Variants in GPC5 observed in about 807,000 individuals in gnomAD.
The protein encoded by GPC5 is glypican 5, also known as glypican-5.
In GPC5, 47 loss-of-function variants were observed where a neutral mutation model predicts 53.9. The ratio of observed to expected loss-of-function variants is 0.87; its 90% CI spans 0.69 to 1.11. The LOEUF (loss-of-function observed/expected upper bound fraction) is 1.11. Among genes scored for constraint, GPC5 ranks in the 50% most tolerant of loss-of-function variants. The pLI is 0.00. For synonymous variants in GPC5, 286 were observed against 263.3 expected (o/e 1.09, Z -0.84); for missense variants, 748 against 713.1 (o/e 1.05, Z -0.56).
rs530347320 is a variant in GPC5, at chr13:92,641,987, C to A, written c.1562-224295C>A. 5.3e-5 allele frequency among the ~76,000 whole-genome samples: 8 copies of A among 152,000 alleles called. No homozygotes were observed. The East Asian group carries it at 1.2e-3, about 22-fold the overall frequency. ...CTGAAATTTTTTCTTATTCTGTTAC[C>A]AGATTTGTAGCTCTTCAAAGCATGT... On this transcript the variant is annotated intron_variant, in intron 7 of 7. Coordinates refer to ENST00000377067, the MANE Select transcript of GPC5 (RefSeq NM_004466.6).
intron 7 of GPC5, among the ~76,000 whole-genome samples, chr13:92,743,149 G>A (rs1269580778): frequency 6.6e-6 from 1 of 151,980 alleles, no homozygotes; most frequent in Admixed American, 6.6e-5. Context: ...GATAGGGATG[G>A]CATTGAATCT....
intron 7 of GPC5, among the ~76,000 whole-genome samples, chr13:92,580,425 T>C (rs1883334445): frequency 6.6e-6 from 1 of 152,196 alleles, no homozygotes; most frequent in Admixed American, 6.5e-5. Context: ...ATGTATAGTA[T>C]ACATATAAAC....
At chr13:92,155,075 T>A (rs549476108) in intron 7 of GPC5, among the ~76,000 whole-genome samples, 110 of 152,314 alleles carry the variant, frequency 7.2e-4, no homozygotes, top group Non-Finnish European at 1.2e-3. Context: ...ATTGTAACTA[T>A]ATAATGCTCA....
chr13:91,425,684 A>T (rs1878993571), intron 1 of GPC5, among the ~76,000 whole-genome samples: 1 of 152,226 alleles, frequency 6.6e-6, no homozygotes, highest in Non-Finnish European at 1.5e-5. Flanking sequence ...ATGTCTTTAT[A>T]GCAGTGTGAA....
chr13:91,539,107 CAG>C (rs1886731455), intron 2 of GPC5, among the ~76,000 whole-genome samples: 2 of 152,236 alleles, frequency 1.3e-5, no homozygotes, highest in South Asian at 2.1e-4. Context: ...CATAACTAAA[CAG>C]AATTTTCACA....
chr13:91,849,054 T>G (rs1242235545), intron 5 of GPC5, among the ~76,000 whole-genome samples: 2 of 152,212 alleles, frequency 1.3e-5, no homozygotes, highest in Non-Finnish European at 2.9e-5. Flanking sequence ...TTTGGCTTAT[T>G]GAAAGGAGGT....
chr13:92,266,756 C>A (rs1294453476), intron 7 of GPC5, among the ~76,000 whole-genome samples: 1 of 152,088 alleles, frequency 6.6e-6, no homozygotes, highest in Non-Finnish European at 1.5e-5. Context: ...TTGGCGTTTT[C>A]CCATAAATTA....
intron 7 of GPC5, among the ~76,000 whole-genome samples, chr13:92,852,716 A>G (rs1184496738): frequency 1.3e-5 from 2 of 152,156 alleles, no homozygotes; most frequent in Non-Finnish European, 2.9e-5. Flanking sequence ...GATTACAGGC[A>G]TGAGCCACTG....
chr13:92,264,310 A>G lies in GPC5; in HGVS notation c.1561+119321A>G, dbSNP rs147915280. Among the ~76,000 whole-genome samples, 7 of 152,286 alleles carry G rather than the reference A, an allele frequency of 4.6e-5. No homozygotes were observed. In the East Asian group the frequency reaches 5.8e-4, roughly 13 times the overall value. On this transcript the variant is annotated intron_variant, in intron 7 of 7. Transcript: ENST00000377067. ...TTTTTAAAATTATTTTTTAAAGACT[A>G]TTATGAACTACCTTGTAAGAGTAAA...
chr13:92,348,253 C>A (rs1288498903), intron 7 of GPC5, among the ~76,000 whole-genome samples: 1 of 150,938 alleles, frequency 6.6e-6, no homozygotes, highest in African/African-American at 2.4e-5. Flanking sequence ...CACACACAGA[C>A]TGAAAATAAA....
rs1033564931 is a variant in GPC5 at position 92,515,480 on chromosome 13, G to T, written c.1562-350802G>T. Among the ~76,000 whole-genome samples the T allele has an allele frequency of 3.3e-5, 5 of 152,158 alleles. No homozygotes were observed. The East Asian group carries it at 9.6e-4, about 29-fold the overall frequency. On this transcript the variant is annotated intron_variant, in intron 7 of 7. Coordinates refer to ENST00000377067, the MANE Select transcript of GPC5 (RefSeq NM_004466.6). ...AGTATGGTATGAAGTTCTCGACCCA[G>T]TTAGATGCTTGGGAAGGTGGCATTT...
At chr13:92,601,822 T>C (rs1464349354) in intron 7 of GPC5, among the ~76,000 whole-genome samples, 1 of 151,874 alleles carries the variant, frequency 6.6e-6, no homozygotes, top group African/African-American at 2.4e-5. Flanking sequence ...TACAGAAATC[T>C]GTAGATCCAA....
At chr13:91,765,064 T>A (rs756616020) in intron 5 of GPC5, among the ~76,000 whole-genome samples, 3 of 152,210 alleles carry the variant, frequency 2.0e-5, no homozygotes, top group Non-Finnish European at 2.9e-5. Context: ...TCCCTCTCTT[T>A]TCTACTTTTG....
At chr13:92,044,327 T>TA (rs2040964823) in intron 6 of GPC5, among the ~76,000 whole-genome samples, 1 of 152,242 alleles carries the variant, frequency 6.6e-6, no homozygotes, top group South Asian at 2.1e-4. Context: ...GTTATGTAAA[T>TA]AAGGCCCTAA....
chr13:92,057,105 T>G (rs1378669776), intron 6 of GPC5, among the ~76,000 whole-genome samples: 4 of 151,906 alleles, frequency 2.6e-5, no homozygotes, highest in Non-Finnish European at 5.9e-5. Flanking sequence ...TAAAATGGAG[T>G]GCAATAGAAA....
chr13:92,434,378 C>T (rs1877218021), intron 7 of GPC5, among the ~76,000 whole-genome samples: 1 of 152,010 alleles, frequency 6.6e-6, no homozygotes, highest in Admixed American at 6.6e-5. Context: ...TTTTTAAAGT[C>T]CCATTGCAAT....
At chr13:92,853,583 C>G (rs539059881) in intron 7 of GPC5, among the ~76,000 whole-genome samples, 1 of 152,214 alleles carries the variant, frequency 6.6e-6, no homozygotes, top group Non-Finnish European at 1.5e-5. Flanking sequence ...ACAAGTTCCA[C>G]TTGGAGAAAC....
At chr13:91,564,438 A>T (rs573519903) in intron 2 of GPC5, among the ~76,000 whole-genome samples, 1 of 152,224 alleles carries the variant, frequency 6.6e-6, no homozygotes, top group East Asian at 1.9e-4. Context: ...TTGGTACTGT[A>T]TTGTTTTGGG....
chr13:92,721,892 C>T (rs527974537), intron 7 of GPC5, among the ~76,000 whole-genome samples: 1 of 152,104 alleles, frequency 6.6e-6, no homozygotes, highest in East Asian at 1.9e-4. Context: ...CATTATAAAA[C>T]TGTCATTAAG....
Sources: allele counts gnomAD v4.1 joint callset (sites outside exome capture counted in the v4.1 genomes callset), GRCh38; gene constraint gnomAD v4.1.1; transcripts MANE v1.5; gene names NCBI Gene and HGNC (gene_info 2026-07-23, HGNC 2026-07-21).